SPAG16: variants seen among roughly 807,000 people sequenced by gnomAD.
SPAG16 encodes sperm associated antigen 16.
A neutral mutation model predicts 80.4 loss-of-function variants in SPAG16; 86 were observed. The ratio of observed to expected loss-of-function variants is 1.07; its 90% CI spans 0.90 to 1.28. The LOEUF (loss-of-function observed/expected upper bound fraction) is 1.28. Among genes scored for constraint, SPAG16 ranks in the 50% most tolerant of loss-of-function variants. The pLI, the probability that SPAG16 is intolerant of heterozygous loss-of-function variation, is 0.00. For missense variants in SPAG16, 870 were observed against 765.3 expected, an observed-to-expected ratio of 1.14 and a Z score of -1.61; for synonymous variants, 294 against 265.9, an observed-to-expected ratio of 1.11 and a Z score of -1.03.
At chr2:214,344,279 G>A (rs1697916343) in intron 15 of SPAG16, among the ~76,000 whole-genome samples, 1 of 152,122 alleles carries the variant, frequency 6.6e-6, no homozygotes, top group African/African-American at 2.4e-5. Context: ...GAAAGTCATG[G>A]CTTTGAAGTA....
At chr2:213,765,594 CGTGTGTGT>C (rs34788311) in intron 10 of SPAG16, among the ~76,000 whole-genome samples, 34 of 150,286 alleles carry the variant, frequency 2.3e-4, no homozygotes, top group African/African-American at 7.3e-4. Flanking sequence ...CACAATGTCA[CGTGTGTGT>C]GTGTGTGTGT....
intron 15 of SPAG16, among the ~76,000 whole-genome samples, chr2:214,209,600 A>G (rs1435230790): frequency 6.6e-6 from 1 of 152,176 alleles, no homozygotes; most frequent in Non-Finnish European, 1.5e-5. Context: ...ACGTCTTTGC[A>G]GCTGACCTAG....
intron 10 of SPAG16, among the ~76,000 whole-genome samples, chr2:213,539,525 A>G (rs2076358872): frequency 6.6e-6 from 1 of 152,142 alleles, no homozygotes; most frequent in Admixed American, 6.5e-5. Context: ...TTCACTATAG[A>G]ATGTTTGTGT....
intron 15 of SPAG16, 62 bp downstream of exon 15, chr2:214,149,328 C>T (rs1178406222): frequency 1.3e-5 from 18 of 1,348,840 alleles, no homozygotes; most frequent in Non-Finnish European, 1.4e-5. Flanking sequence ...TGTTCTGAAA[C>T]TATTTTGTTT....
intron 11 of SPAG16, among the ~76,000 whole-genome samples, chr2:213,912,438 C>A (rs1477994757): frequency 6.6e-6 from 1 of 152,064 alleles, no homozygotes; most frequent in Non-Finnish European, 1.5e-5. Flanking sequence ...AAACAAATAG[C>A]TGAGAAACTC....
intron 13 of SPAG16, among the ~76,000 whole-genome samples, chr2:214,055,176 A>G (rs1384783670): frequency 6.6e-6 from 1 of 152,178 alleles, no homozygotes; most frequent in Non-Finnish European, 1.5e-5. Flanking sequence ...AGATCCAGGA[A>G]AAACTCACCA....
At chr2:213,485,004 T>TC (rs936916159) in intron 9 of SPAG16, among the ~76,000 whole-genome samples, 1 of 152,084 alleles carries the variant, frequency 6.6e-6, no homozygotes, top group African/African-American at 2.4e-5. Flanking sequence ...CTTTTCTTTT[T>TC]TTTTTTTGAG....
chr2:213,927,109 G>T (rs58158058), intron 11 of SPAG16, among the ~76,000 whole-genome samples: 143 of 152,308 alleles, frequency 9.4e-4, no homozygotes, highest in African/African-American at 3.2e-3. Context: ...TCACAATGCA[G>T]GGAGCGAGTT....
chr2:213,551,393 A>G (rs2076775797), intron 10 of SPAG16, among the ~76,000 whole-genome samples: 1 of 152,186 alleles, frequency 6.6e-6, no homozygotes, highest in Admixed American at 6.5e-5. Context: ...ACTCTGCAGT[A>G]TTTTACTTGT....
intron 10 of SPAG16, among the ~76,000 whole-genome samples, chr2:213,561,539 G>T (rs1314689776): frequency 6.6e-6 from 1 of 151,950 alleles, no homozygotes; most frequent in South Asian, 2.1e-4. Flanking sequence ...CCCCATAAAT[G>T]TATACACCTA....
At chr2:213,798,869 T>C (rs899883816) in intron 10 of SPAG16, among the ~76,000 whole-genome samples, 4 of 152,204 alleles carry the variant, frequency 2.6e-5, no homozygotes, top group African/African-American at 7.2e-5. Flanking sequence ...GCATATTTGT[T>C]AAAAAATCAA....
At position 214,303,277 on chromosome 2, in the gene SPAG16, T is replaced by C. The variant is rs531430245; in HGVS notation, c.1721-106863T>C. Among the ~76,000 whole-genome samples the C allele has an allele frequency of 1.1e-4, 17 of 152,346 alleles. 1 individual carries two copies. The South Asian group carries it at 3.3e-3, about 30-fold the overall frequency. On this transcript the variant is annotated intron_variant, in intron 15 of 15. Transcript: ENST00000331683. ...GGCAAGGATCATCCTTTTGTATCCA[T>C]GTTTAGGACTCCTTTGAGCTTTTCT...
At chr2:213,747,527 A>G (rs2067882246) in intron 10 of SPAG16, among the ~76,000 whole-genome samples, 1 of 152,188 alleles carries the variant, frequency 6.6e-6, no homozygotes, top group South Asian at 2.1e-4. Context: ...CAATATGGGT[A>G]TACCATTCTT....
intron 10 of SPAG16, among the ~76,000 whole-genome samples, chr2:213,624,625 G>A (rs188922848): frequency 6.6e-6 from 1 of 152,262 alleles, no homozygotes; most frequent in Non-Finnish European, 1.5e-5. Flanking sequence ...ACAGAGCTGC[G>A]GTTTGAACCT....
intron 9 of SPAG16, among the ~76,000 whole-genome samples, chr2:213,477,666 C>T (rs1012362191): frequency 6.6e-6 from 1 of 152,096 alleles, no homozygotes; most frequent in African/African-American, 2.4e-5. Context: ...GTCTGTACTC[C>T]CATTGTACCT....
chr2:214,291,597 G>A (rs1454367841), intron 15 of SPAG16, among the ~76,000 whole-genome samples: 3 of 152,072 alleles, frequency 2.0e-5, no homozygotes, highest in African/African-American at 4.8e-5. Flanking sequence ...GAGCCACCGC[G>A]CCCGGCCTAG....
chr2:213,347,394 G>A (rs903888762), intron 6 of SPAG16, among the ~76,000 whole-genome samples: 6 of 152,012 alleles, frequency 3.9e-5, no homozygotes, highest in South Asian at 2.1e-4. Context: ...CTTCAGTTCT[G>A]CTCTGATCTT....
chr2:213,994,354 A>G (rs968717349), intron 12 of SPAG16, among the ~76,000 whole-genome samples: 3 of 152,196 alleles, frequency 2.0e-5, no homozygotes, highest in African/African-American at 4.8e-5. Context: ...TTAATTTTCA[A>G]TATGAAAGGA....
intron 10 of SPAG16, among the ~76,000 whole-genome samples, chr2:213,546,692 C>T (rs866633463): frequency 3.9e-5 from 6 of 152,088 alleles, no homozygotes; most frequent in Non-Finnish European, 7.4e-5. Flanking sequence ...TTTGTTAAAG[C>T]GGCCTCCTCC....
Sources: gnomAD v4.1 joint callset for allele counts (sites outside exome capture counted in the v4.1 genomes callset) on GRCh38, gnomAD v4.1.1 for gene constraint, MANE v1.5 for transcripts, NCBI Gene and HGNC (gene_info 2026-07-23, HGNC 2026-07-21) for gene names.